RPS6KC1: variants seen among roughly 807,000 people sequenced by gnomAD.
RPS6KC1 encodes inactive ribosomal protein S6 kinase delta-1.
Under a neutral mutation model 103.8 loss-of-function variants are expected in RPS6KC1, and 54 were observed. The ratio of observed to expected loss-of-function variants is 0.52; its 90% CI spans 0.42 to 0.65. RPS6KC1 has a LOEUF of 0.65. Among genes scored for constraint, RPS6KC1 ranks in the 30% least tolerant of loss-of-function variants. The pLI is 0.00. For missense variants in RPS6KC1, 1,151 were observed against 1,253.8 expected, an observed-to-expected ratio of 0.92 and a Z score of 1.24; for synonymous variants, 439 against 438.7, an observed-to-expected ratio of 1.00 and a Z score of -0.01.
chr1:213,134,016 G>C (rs982786001), intron 6 of RPS6KC1, among the ~76,000 whole-genome samples: 1 of 151,860 alleles, frequency 6.6e-6, no homozygotes, highest in African/African-American at 2.4e-5. Flanking sequence ...TATTCATCTA[G>C]TTGATCTTTC....
chr1:213,361,116 T>G, the RPS6KC1 span, among the ~76,000 whole-genome samples: 1 of 152,140 alleles, frequency 6.6e-6, no homozygotes, highest in Non-Finnish European at 1.5e-5. Flanking sequence ...TCTGCAGAGG[T>G]TTCTGCTGCC....
intron 12 of RPS6KC1, among the ~76,000 whole-genome samples, chr1:213,258,731 A>C (rs1373175915): frequency 1.3e-5 from 2 of 152,252 alleles, no homozygotes; most frequent in African/African-American, 4.8e-5. Flanking sequence ...AATGTACAAA[A>C]GGTTATATTT....
At chr1:213,825,187 C>T in the RPS6KC1 span, among the ~76,000 whole-genome samples, 1 of 152,228 alleles carries the variant, frequency 6.6e-6, no homozygotes, top group Non-Finnish European at 1.5e-5. Flanking sequence ...ACATCTACCC[C>T]ACCTTGCTCT....
Position 213,184,316 on chromosome 1 carries a change from G to C in RPS6KC1, c.1044+7824G>C, listed in dbSNP as rs11811246. Among the ~76,000 whole-genome samples the C allele has an allele frequency of 4.3e-3, 657 of 152,126 alleles. 4 individuals carry two copies. The highest frequency in any genetic ancestry group is 0.015 in the African/African-American group (633 of 41,548). ...ACTATAGACCAATATTCTCATAAGT[G>C]TAGGTATAGAAACCTTCAACAAAAT... On this transcript the variant is annotated intron_variant, in intron 8 of 14. Transcript: ENST00000366960.
At chr1:213,225,771 G>A (rs913235230) in intron 8 of RPS6KC1, among the ~76,000 whole-genome samples, 3 of 152,160 alleles carry the variant, frequency 2.0e-5, no homozygotes, top group African/African-American at 7.2e-5. Context: ...ATTTGTGCAG[G>A]TATATTTTGT....
chr1:213,080,723 C>T (rs2079798139), intron 3 of RPS6KC1, among the ~76,000 whole-genome samples: 1 of 152,140 alleles, frequency 6.6e-6, no homozygotes, highest in African/African-American at 2.4e-5. Flanking sequence ...TGCCACCATG[C>T]CAGTCTAATT....
the RPS6KC1 span, among the ~76,000 whole-genome samples, chr1:213,501,067 G>A: frequency 6.7e-6 from 1 of 150,320 alleles, no homozygotes; most frequent in Non-Finnish European, 1.5e-5. Context: ...GATTTAATTC[G>A]ATTTCAATTA....
the RPS6KC1 span, among the ~76,000 whole-genome samples, chr1:213,649,685 T>C: frequency 2.8e-4 from 43 of 152,278 alleles, no homozygotes; most frequent in African/African-American, 1.0e-3. Context: ...CTTTCCACGT[T>C]GTTGTGCTTT....
At chr1:213,449,625 A>AT in the RPS6KC1 span, among the ~76,000 whole-genome samples, 1 of 152,204 alleles carries the variant, frequency 6.6e-6, no homozygotes, top group African/African-American at 2.4e-5. Context: ...GGACTCCAAC[A>AT]TATGAATTTT....
chr1:213,450,579 T>C, the RPS6KC1 span, among the ~76,000 whole-genome samples: 4 of 152,164 alleles, frequency 2.6e-5, no homozygotes, highest in Non-Finnish European at 4.4e-5. Context: ...AGGTTCCTCT[T>C]AGAGTAAGTG....
At chr1:213,658,562 C>T in the RPS6KC1 span, among the ~76,000 whole-genome samples, 7,066 of 152,148 alleles carry the variant, frequency 0.046, 269 homozygotes, top group East Asian at 0.16. Context: ...AATCTAGAGG[C>T]AAGACAGATC....
chr1:213,706,586 A>G, the RPS6KC1 span, among the ~76,000 whole-genome samples: 27 of 152,294 alleles, frequency 1.8e-4, no homozygotes, highest in East Asian at 4.2e-3. Context: ...TCTGGGATAC[A>G]TATGCAGAAT....
intron 13 of RPS6KC1, 116 bp downstream of exon 13, chr1:213,261,756 G>T (rs2094802954): frequency 2.4e-6 from 2 of 828,400 alleles, no homozygotes; most frequent in South Asian, 3.6e-5. Context: ...GAAAAACTTT[G>T]ATATCGAAAG....
chr1:213,466,764 AT>A, the RPS6KC1 span, among the ~76,000 whole-genome samples: 1,318 of 152,074 alleles, frequency 8.7e-3, 23 homozygotes, highest in African/African-American at 0.03. Flanking sequence ...CCCTCCTGAG[AT>A]TTTGGGGTTG....
the RPS6KC1 span, among the ~76,000 whole-genome samples, chr1:213,510,568 A>G: frequency 2.6e-5 from 4 of 152,264 alleles, no homozygotes; most frequent in African/African-American, 9.6e-5. Flanking sequence ...TGAGCAATAT[A>G]AATTGTGGCT....
chr1:213,117,073 ATCTCTTCT>A (rs2083735914), intron 4 of RPS6KC1, among the ~76,000 whole-genome samples: 1 of 152,142 alleles, frequency 6.6e-6, no homozygotes, highest in Non-Finnish European at 1.5e-5. Flanking sequence ...TTTCTCATAT[ATCTCTTCT>A]TCCTCCCCAG....
At chr1:213,188,889 A>C (rs1163299412) in intron 8 of RPS6KC1, among the ~76,000 whole-genome samples, 1 of 151,802 alleles carries the variant, frequency 6.6e-6, no homozygotes, top group Non-Finnish European at 1.5e-5. Flanking sequence ...CTTATTTGGG[A>C]AGTTATAGGA....
chr1:213,288,046 G>A, the RPS6KC1 span, among the ~76,000 whole-genome samples: 133 of 152,338 alleles, frequency 8.7e-4, no homozygotes, highest in African/African-American at 3.0e-3. Flanking sequence ...TAGCTTTGAA[G>A]CCAGGAGGTT....
chr1:213,636,183 G>A, the RPS6KC1 span, among the ~76,000 whole-genome samples: 15 of 152,270 alleles, frequency 9.9e-5, no homozygotes, highest in Middle Eastern at 0.014. Flanking sequence ...TGTGAAAATG[G>A]CCATACTGCC....
Sources: gnomAD v4.1 joint callset for allele counts (sites outside exome capture counted in the v4.1 genomes callset) on GRCh38, gnomAD v4.1.1 for gene constraint, MANE v1.5 for transcripts, NCBI Gene and HGNC (gene_info 2026-07-23, HGNC 2026-07-21) for gene names.